Variants in ANKRD18A observed in about 807,000 individuals in gnomAD.
The protein encoded by ANKRD18A is ankyrin repeat domain-containing protein 18A.
Under a neutral mutation model 110.6 loss-of-function variants are expected in ANKRD18A, and 72 were observed. The ratio of observed to expected loss-of-function variants is 0.65; its 90% CI spans 0.54 to 0.79. The LOEUF is 0.79. Among genes scored for constraint, ANKRD18A ranks in the 30% least tolerant of loss-of-function variants. The pLI is 0.00. For missense variants in ANKRD18A, 934 were observed against 1,163.3 expected, an observed-to-expected ratio of 0.80 and a Z score of 2.87; for synonymous variants, 305 against 410.3, an observed-to-expected ratio of 0.74 and a Z score of 3.10.
Position 38,615,880 on chromosome 9 carries a change from T to C in ANKRD18A, c.321+50A>G, listed in dbSNP as rs199652586. 144 of 1,524,904 alleles carry C rather than the reference T, an allele frequency of 9.4e-5. 1 individual carries two copies. The highest frequency in any genetic ancestry group is 8.8e-6 in the Non-Finnish European group (10 of 1,135,556). The allele number at this position is 1,524,904 out of a possible 1,614,324, so 94.5% of individuals were successfully genotyped here. The stretch of plus-strand genomic sequence containing the variant: ...ATGAGACAAATTCATTTTAATTCTA[T>C]GTATTTAAATCAAATCCATTTCATG... On this transcript the variant is annotated intron_variant, in intron 2 of 15. Coordinates refer to ENST00000399703, the MANE Select transcript of ANKRD18A (RefSeq NM_147195.4).
chr9:38,571,596 G>A lies in ANKRD18A; in HGVS notation c.*449C>T. Reference sequence around the variant, plus strand: ...CCGTAACACTAGTATGGACAAACCTGGCAGATACTCTTTAAGTCTCCTACT... The same window carrying A: ...CCGTAACACTAGTATGGACAAACCTAGCAGATACTCTTTAAGTCTCCTACT... On this transcript the variant is annotated 3_prime_UTR_variant, in exon 16 of 16. Transcript: ENST00000399703. 1 of 1,009,638 alleles carries A rather than the reference G, an allele frequency of 9.9e-7. No individual in the cohort carries two copies. The highest frequency in any genetic ancestry group is 1.2e-6 in the Non-Finnish European group (1 of 846,462). The allele number at this position is 1,009,638 out of a possible 1,614,324, so 62.5% of individuals were successfully genotyped here. A position where few individuals can be genotyped will look rare whatever the true frequency, so the allele number is the denominator to read the frequency against.
At chr9:38,570,293 C>T (rs1162441724), downstream of ANKRD18A, among the ~76,000 whole-genome samples, 1 of 152,122 alleles carries the variant, frequency 6.6e-6, no homozygotes, top group Non-Finnish European at 1.5e-5. Flanking sequence ...GCTCACCTCA[C>T]CCCCATTGAA....
At chr9:38,577,759 C>T (rs1823964048) in intron 13 of ANKRD18A, 108 bp downstream of exon 13, 2 of 1,266,932 alleles carry the variant, frequency 1.6e-6, no homozygotes, top group Non-Finnish European at 2.1e-6. Flanking sequence ...AAGGAAATTG[C>T]TGTAAGAGAG....
intron 6 of ANKRD18A, among the ~76,000 whole-genome samples, chr9:38,606,788 C>T (rs1439985953): frequency 6.6e-6 from 1 of 151,954 alleles, no homozygotes; most frequent in East Asian, 1.9e-4. Flanking sequence ...ATAACAAGTC[C>T]AATGCGTAAC....
intron 3 of ANKRD18A, among the ~76,000 whole-genome samples, chr9:38,615,279 C>A (rs1483229935): frequency 6.6e-6 from 1 of 152,050 alleles, no homozygotes; most frequent in Admixed American, 6.6e-5. Context: ...TAAGATAAAG[C>A]CTATTTCCAG....
chr9:38,573,182 T>C, intron 15 of ANKRD18A: 1 of 961,206 alleles, frequency 1.0e-6, no homozygotes, highest in Non-Finnish European at 1.4e-6. Context: ...CAAGAAATAT[T>C]ATCATGAGAT....
intron 5 of ANKRD18A, among the ~76,000 whole-genome samples, chr9:38,609,205 C>T (rs553790863): frequency 8.9e-4 from 136 of 152,124 alleles, no homozygotes; most frequent in Non-Finnish European, 1.6e-3. Flanking sequence ...GTGGGCCGGG[C>T]GCGGTGGCTC....
intron 8 of ANKRD18A, among the ~76,000 whole-genome samples, chr9:38,598,565 GT>G (rs1232098874): frequency 6.6e-6 from 1 of 152,160 alleles, no homozygotes; most frequent in Non-Finnish European, 1.5e-5. Flanking sequence ...AACTCTACTT[GT>G]AACAAGCCTA....
At chr9:38,603,072 G>C in intron 7 of ANKRD18A, 87 bp downstream of exon 7, 3 of 1,504,970 alleles carry the variant, frequency 2.0e-6, no homozygotes, top group Non-Finnish European at 2.7e-6. Context: ...TTTGTGACAA[G>C]GAAACTATAC....
Position 38,575,658 on chromosome 9 carries a change from T to G in ANKRD18A, c.2782A>C (p.Thr928Pro). ...KIAVISTKLF[T>P]EKQRMKYFLS... ...AAATATTTCATCCGCTGTTTCTCCG[T>G]AAAGAGCTTGGTGCTGATCACTGCT... The change falls in exon 15 of 16, where the codon ACG (threonine) becomes CCG (proline). Residue 928 changes from threonine (T) to proline (P), a missense_variant. Physicochemically the swap from Thr to Pro is conservative, Grantham distance 38. Transcript: ENST00000399703. The G allele has an allele frequency of 6.4e-7, 1 of 1,551,852 alleles. No individual in the cohort carries two copies. Among genetic ancestry groups the G allele is most frequent in the Non-Finnish European group, 8.7e-7 (1 of 1,146,878 alleles).
chr9:38,574,082 A>G (rs959034882), intron 15 of ANKRD18A, among the ~76,000 whole-genome samples: 10 of 152,036 alleles, frequency 6.6e-5, no homozygotes, highest in African/African-American at 2.2e-4. Context: ...CTTATTTCCC[A>G]GTGTCTATTG....
At chr9:38,609,499 CA>C (rs1226782448) in intron 5 of ANKRD18A, among the ~76,000 whole-genome samples, 1 of 151,678 alleles carries the variant, frequency 6.6e-6, no homozygotes, top group African/African-American at 2.4e-5. Flanking sequence ...CAAAACAAAA[CA>C]AAACAAAACA....
At chr9:38,589,709 T>G (rs1459382447) in intron 10 of ANKRD18A, among the ~76,000 whole-genome samples, 1 of 152,226 alleles carries the variant, frequency 6.6e-6, no homozygotes, top group Non-Finnish European at 1.5e-5. Context: ...ATTGTTTGTA[T>G]TTTTAGCAGA....
chr9:38,596,574 T>C (rs1824891894), intron 8 of ANKRD18A, among the ~76,000 whole-genome samples, 171 bp from the exon 9 acceptor site: 1 of 152,034 alleles, frequency 6.6e-6, no homozygotes, highest in African/African-American at 2.4e-5. Flanking sequence ...GAACATACAT[T>C]TCAAAAAGTT....
intron 14 of ANKRD18A, among the ~76,000 whole-genome samples, chr9:38,576,601 A>C (rs575260620): frequency 1.2e-4 from 18 of 152,344 alleles, no homozygotes; most frequent in Admixed American, 7.2e-4. Context: ...ATCACAATCA[A>C]AAACAGTCCC....
rs565927475 is a variant in ANKRD18A at position 38,592,706 on chromosome 9, G to A, written c.2004+1054C>T. Among the ~76,000 whole-genome samples the A allele has an allele frequency of 2.3e-3, 349 of 152,052 alleles. 1 individual carries two copies. Among genetic ancestry groups the A allele is most frequent in the African/African-American group, 7.9e-3 (326 of 41,484 alleles). On this transcript the variant is annotated intron_variant, in intron 10 of 15. Transcript: ENST00000399703. Reference sequence around the variant, plus strand: ...AAGGTCCATCAGCTGATGAATGAATGGAAAACTGGTGTAGCCATGAAATAG... The same window carrying A: ...AAGGTCCATCAGCTGATGAATGAATAGAAAACTGGTGTAGCCATGAAATAG...
In ANKRD18A at chr9:38,577,099, C is replaced by T. The variant is rs1203720374; in HGVS notation, c.2695G>A (p.Ala899Thr). Residue 899 changes from alanine (A) to threonine (T), a missense_variant, in exon 14 of 16, where the codon GCA (alanine) becomes ACA (threonine). Physicochemically the swap from Ala to Thr is moderately conservative, Grantham distance 58 (BLOSUM62 0). This residue lies in a region of ANKRD18A where 223 missense variants were observed against 226.7 expected (regional missense o/e 0.98). Coordinates refer to ENST00000399703, the MANE Select transcript of ANKRD18A (RefSeq NM_147195.4). ...GAATTGTTAGCTTTCACTGCTCCTG[C>T]AAAGGCTTCCTTAAATTCTTCTAAT... is the stretch of plus-strand genomic sequence containing the variant. ...TELEEFKEAFAGAVKANNSMS... is the reference protein window; with the variant it reads ...TELEEFKEAFTGAVKANNSMS... 1.2e-5 allele frequency: 18 copies of T among 1,548,926 alleles called. No homozygotes were observed. The highest frequency in any genetic ancestry group is 1.6e-5 in the Non-Finnish European group (18 of 1,146,258).
intron 7 of ANKRD18A, among the ~76,000 whole-genome samples, chr9:38,602,161 C>T (rs1825144409): frequency 6.6e-6 from 1 of 150,384 alleles, no homozygotes; most frequent in African/African-American, 2.5e-5. Flanking sequence ...CAGGTCTTTG[C>T]ATGTCTATCC....
At chr9:38,608,560 T>C (rs1825458013) in intron 5 of ANKRD18A, among the ~76,000 whole-genome samples, 1 of 147,186 alleles carries the variant, frequency 6.8e-6, no homozygotes, top group African/African-American at 2.5e-5. Context: ...TTATATAATC[T>C]ATAACTATAT....
Sources: gnomAD v4.1 joint callset for allele counts (sites outside exome capture counted in the v4.1 genomes callset) on GRCh38, gnomAD v4.1.1 for gene constraint, gnomAD v4.1.1 regional missense constraint, MANE v1.5 for transcripts, NCBI Gene and HGNC (gene_info 2026-07-23, HGNC 2026-07-21) for gene names.